Variants in ZCCHC2 observed in about 807,000 individuals in gnomAD.
ZCCHC2 encodes the protein zinc finger CCHC-type containing 2.
Under a neutral mutation model 103.6 loss-of-function variants are expected in ZCCHC2, and 39 were observed. The observed-to-expected ratio is 0.38, with a 90% CI of 0.29 to 0.49. ZCCHC2 has a LOEUF of 0.49. Among genes scored for constraint, ZCCHC2 ranks in the 20% least tolerant of loss-of-function variants. The pLI is 0.96. For synonymous variants in ZCCHC2, 687 were observed against 608.9 expected, an observed-to-expected ratio of 1.13 and a Z score of -1.89; for missense variants, 1,483 against 1,491.0, an observed-to-expected ratio of 0.99 and a Z score of 0.09.
chr18:62,552,732 AT>A, intron 5 of ZCCHC2, among the ~76,000 whole-genome samples: 1 of 152,096 alleles, frequency 6.6e-6, no homozygotes, highest in East Asian at 1.9e-4. Flanking sequence ...TACAAAAAAA[AT>A]TTTTTAATTA....
downstream of ZCCHC2, among the ~76,000 whole-genome samples, chr18:62,582,769 G>T (rs1234205144): frequency 6.6e-6 from 1 of 151,870 alleles, no homozygotes; most frequent in African/African-American, 2.4e-5. Context: ...AATTCTAGTT[G>T]AATTCAATTT....
intron 5 of ZCCHC2, among the ~76,000 whole-genome samples, chr18:62,553,339 A>G (rs1181411253): frequency 6.6e-6 from 1 of 152,092 alleles, no homozygotes; most frequent in Non-Finnish European, 1.5e-5. Context: ...TACATAATAT[A>G]CCTTTTTAGC....
intron 6 of ZCCHC2, among the ~76,000 whole-genome samples, chr18:62,556,666 G>T (rs1915896530): frequency 6.6e-6 from 1 of 152,014 alleles, no homozygotes; most frequent in Admixed American, 6.5e-5. Flanking sequence ...CTTTCCAGCC[G>T]ATCAGACAGA....
At position 62,524,742 on chromosome 18, in the gene ZCCHC2, G is replaced by A. The variant is rs369309069; in HGVS notation, c.939+379G>A. The A allele has an allele frequency of 1.0e-4, 22 of 214,728 alleles. No homozygotes were observed. In the South Asian group the frequency reaches 3.2e-3, roughly 31 times the overall value. The allele number at this position is 214,728 out of a possible 1,614,324, so 13.3% of individuals were successfully genotyped here. Reference sequence around the variant, plus strand: ...GTGCGGGAGCCGCCGGGCGCTGGAGGAACCTGTGTGAGAGCCAGCCGCAGT... The same window carrying A: ...GTGCGGGAGCCGCCGGGCGCTGGAGAAACCTGTGTGAGAGCCAGCCGCAGT... On this transcript the variant is annotated intron_variant, in intron 1 of 13. Coordinates refer to ENST00000269499, the MANE Select transcript of ZCCHC2 (RefSeq NM_017742.6).
At chr18:62,573,754 C>A (rs1916682582) in intron 12 of ZCCHC2, among the ~76,000 whole-genome samples, 1 of 152,204 alleles carries the variant, frequency 6.6e-6, no homozygotes, top group Non-Finnish European at 1.5e-5. Flanking sequence ...GTCTGATGCT[C>A]TTCTCAGTAC....
intron 1 of ZCCHC2, among the ~76,000 whole-genome samples, chr18:62,534,220 A>G (rs1009365811): frequency 6.6e-6 from 1 of 151,946 alleles, no homozygotes; most frequent in Non-Finnish European, 1.5e-5. Flanking sequence ...CGGAGGTGGG[A>G]AGATTGCTTG....
At chr18:62,553,599 A>G (rs949071752) in intron 5 of ZCCHC2, among the ~76,000 whole-genome samples, 2 of 152,194 alleles carry the variant, frequency 1.3e-5, no homozygotes, top group African/African-American at 4.8e-5. Flanking sequence ...TATGGAAATA[A>G]TGTAATTGGT....
chr18:62,540,453 C>A, intron 2 of ZCCHC2, among the ~76,000 whole-genome samples: 1 of 146,860 alleles, frequency 6.8e-6, no homozygotes, highest in African/African-American at 2.5e-5. Flanking sequence ...TTTTTTTTAC[C>A]AGTAATAATC....
chr18:62,542,487 T>C lies in ZCCHC2; in HGVS notation c.1052-11T>C, dbSNP rs1310261860. 6.4e-7 allele frequency: 1 copy of C among 1,555,024 alleles called. No individual in the cohort carries two copies. The highest frequency in any genetic ancestry group is 2.4e-5 in the East Asian group (1 of 41,666). ...TGTAGCACAAGTCACCGTGTGTTTT[T>C]TTTCTTTCAGCTGTACACATTGAGA... is the stretch of plus-strand genomic sequence containing the variant. On this transcript the variant is annotated splice_polypyrimidine_tract_variant and intron_variant, in intron 2 of 13. Coordinates refer to ENST00000269499, the MANE Select transcript of ZCCHC2 (RefSeq NM_017742.6).
In ZCCHC2 at chr18:62,563,022, A is replaced by T. The variant is rs772672727; in HGVS notation, c.1564A>T (p.Ser522Cys). Residue 522 changes from serine to cysteine, a missense_variant, in exon 9 of 14, where the codon AGT becomes TGT. Physicochemically the swap from Ser to Cys is moderately radical, Grantham distance 112. Around this residue, in one of 3 missense-constraint regions of ZCCHC2, gnomAD observed 884 missense variants for 907.5 expected, o/e 0.97. Coordinates refer to ENST00000269499, the MANE Select transcript of ZCCHC2 (RefSeq NM_017742.6). ...TTTCTTTGGTAGCAATATTGGTACA[A>T]GTTGTTCTCCATTGGATGGGCTTAC... ...KSPIVNNIGTSCSPLDGLTMQ... is the reference protein window; with the variant it reads ...KSPIVNNIGTCCSPLDGLTMQ... The T allele has an allele frequency of 6.2e-7, 1 of 1,611,022 alleles. No individual in the cohort carries two copies. Among genetic ancestry groups the T allele is most frequent in the Non-Finnish European group, 8.5e-7 (1 of 1,177,494 alleles).
chr18:62,544,495 C>T (rs1316664450), intron 3 of ZCCHC2, among the ~76,000 whole-genome samples: 1 of 152,068 alleles, frequency 6.6e-6, no homozygotes, highest in Non-Finnish European at 1.5e-5. Flanking sequence ...TTTTAGAGTT[C>T]TATAAGTTCA....
Position 62,524,240 on chromosome 18 carries a change from C to T in ZCCHC2, c.816C>T (p.Phe272=), listed in dbSNP as rs968271822. The T allele has an allele frequency of 6.5e-7, 1 of 1,550,108 alleles. No homozygotes were observed. The highest frequency in any genetic ancestry group is 2.0e-5 in the Admixed American group (1 of 50,980). ...CCATGGCCTCGCTGCACCCGGCTTT[C>T]TCCTTCCACCAGCGGGTCACCCTGA... The part of the protein sequence containing the change: ...LFTMASLHPA[F]SFHQRVTLRE... Residue 272 remains phenylalanine, a synonymous_variant, in exon 1 of 14, where the codon TTC becomes TTT. Transcript: ENST00000269499.
intron 5 of ZCCHC2, chr18:62,552,048 A>C (rs973607847): frequency 6.6e-6 from 1 of 152,066 alleles, no homozygotes; most frequent in African/African-American, 2.4e-5. Context: ...TCCCCAGTGG[A>C]GACAAGCAGA....
rs192185694 is a variant in ZCCHC2 at position 62,550,905 on chromosome 18, C to A, written c.1313+445C>A. 4.6e-3 allele frequency among the ~76,000 whole-genome samples: 700 copies of A among 152,226 alleles called. 16 individuals are homozygous for A. The highest frequency in any genetic ancestry group is 0.034 in the Admixed American group (518 of 15,292). ...TTGGAGCCATGGTGCTGCCAGAGGTCAAGGTTTTGCCCTCGTAAGGTTGTT... is the reference window on the plus strand; with the variant it reads ...TTGGAGCCATGGTGCTGCCAGAGGTAAAGGTTTTGCCCTCGTAAGGTTGTT... On this transcript the variant is annotated intron_variant, in intron 5 of 13. Transcript: ENST00000269499.
chr18:62,545,010 T>A, intron 4 of ZCCHC2, 137 bp downstream of exon 4: 1 of 635,710 alleles, frequency 1.6e-6, no homozygotes, highest in Non-Finnish European at 2.5e-6. Flanking sequence ...ACATTAGCTG[T>A]GGAAAACGTC....
exon 15 of ZCCHC2, chr18:62,586,391 G>C (rs540145599): frequency 6.6e-6 from 1 of 151,776 alleles, no homozygotes; most frequent in Non-Finnish European, 1.5e-5. Flanking sequence ...CATCAGCACG[G>C]GTCTGGCTGT....
At position 62,578,154 on chromosome 18, in the gene ZCCHC2, A is replaced by G. The variant is rs1916930979; in HGVS notation, c.*1575A>G. ...AATGTACATTTTGAAACTTTCTTTC[A>G]GGGGTGGGAGTTATGGGGAAGGGGT... is the stretch of plus-strand genomic sequence containing the variant. On this transcript the variant is annotated 3_prime_UTR_variant, in exon 14 of 14. Transcript: ENST00000269499. 1 of 144,092 alleles carries G rather than the reference A, an allele frequency of 6.9e-6. No homozygotes were observed. Among genetic ancestry groups the G allele is most frequent in the Admixed American group, 6.9e-5 (1 of 14,506 alleles). 8.9% of individuals were successfully genotyped at this position (144,092 alleles called of 1,614,324 possible).
chr18:62,542,566 A>G lies in ZCCHC2; in HGVS notation c.1120A>G (p.Thr374Ala). ...AAGAGCTGACAAATACTGGGAGTAC[A>G]CTTTCAAAGTAAGCCATTTTCCCCA... ...RKRADKYWEY[T>A]FKVNWSDLSV... The change falls in exon 3 of 14, where the codon ACT (threonine) becomes GCT (alanine). Residue 374 changes from threonine to alanine, a missense_variant. Around this residue, in one of 3 missense-constraint regions of ZCCHC2, gnomAD observed 568 missense variants for 525.1 expected, o/e 1.08. Coordinates refer to ENST00000269499, the MANE Select transcript of ZCCHC2 (RefSeq NM_017742.6). 1 of 1,560,574 alleles carries G rather than the reference A, an allele frequency of 6.4e-7. No homozygotes were observed. The highest frequency in any genetic ancestry group is 8.7e-7 in the Non-Finnish European group (1 of 1,151,090).
chr18:62,562,037 C>G (rs946468075), intron 8 of ZCCHC2, among the ~76,000 whole-genome samples: 1 of 152,116 alleles, frequency 6.6e-6, no homozygotes, highest in Non-Finnish European at 1.5e-5. Context: ...CGCTCTGTCA[C>G]CCAGGCTGGA....
Sources: gnomAD v4.1 joint callset for allele counts (sites outside exome capture counted in the v4.1 genomes callset) on GRCh38, gnomAD v4.1.1 for gene constraint, gnomAD v4.1.1 regional missense constraint, MANE v1.5 for transcripts, NCBI Gene and HGNC (gene_info 2026-07-23, HGNC 2026-07-21) for gene names.